PLEKHO2: variants seen among roughly 807,000 people sequenced by gnomAD.
PLEKHO2 encodes pleckstrin homology domain containing O2.
PLEKHO2 carries 20 observed loss-of-function variants against 32.7 expected under a neutral mutation model. The ratio of observed to expected loss-of-function variants is 0.61; its 90% CI spans 0.43 to 0.89. The LOEUF is 0.89. PLEKHO2 is among the 40% of genes least tolerant of loss of function. The pLI, the probability that PLEKHO2 is intolerant of heterozygous loss-of-function variation, is 0.00. For synonymous variants in PLEKHO2, 247 were observed against 246.3 expected, an observed-to-expected ratio of 1.00 and a Z score of -0.03; for missense variants, 568 against 621.2, an observed-to-expected ratio of 0.91 and a Z score of 0.91.
intron 3 of PLEKHO2, among the ~76,000 whole-genome samples, chr15:64,856,159 G>C (rs2084605066): frequency 6.6e-6 from 1 of 152,114 alleles, no homozygotes; most frequent in Non-Finnish European, 1.5e-5. Context: ...AGGGCTCTTT[G>C]AGGACAAAAA....
Position 64,865,853 on chromosome 15 carries a change from G to A in PLEKHO2, c.1438G>A (p.Glu480Lys), listed in dbSNP as rs753465500. 13 of 1,610,020 alleles carry A rather than the reference G, an allele frequency of 8.1e-6. No homozygotes were observed. The highest frequency in any genetic ancestry group is 3.3e-5 in the Admixed American group (2 of 60,008). ...EAPGLREKRK[E>K]LVTLYRRSAP is the part of the protein sequence containing the mutation. Reference sequence around the variant, plus strand: ...ACCTGGGCTAAGGGAGAAGCGGAAGGAGCTGGTGACCCTCTACAGGAGAAG... The same window carrying A: ...ACCTGGGCTAAGGGAGAAGCGGAAGAAGCTGGTGACCCTCTACAGGAGAAG... Residue 480 changes from glutamate to lysine, a missense_variant, in exon 6 of 6, where the codon GAG becomes AAG. Glu to Lys is a moderately conservative substitution (Grantham distance 56). Transcript: ENST00000323544.
intron 2 of PLEKHO2, 27 bp downstream of exon 2, chr15:64,848,769 G>A (rs1034353582): frequency 6.2e-7 from 1 of 1,613,110 alleles, no homozygotes; most frequent in East Asian, 2.2e-5. Flanking sequence ...CCCTGAGATT[G>A]GGGGTTCTGG....
intron 1 of PLEKHO2, among the ~76,000 whole-genome samples, chr15:64,842,593 T>C (rs2084493652): frequency 6.6e-6 from 1 of 151,834 alleles, no homozygotes; most frequent in Non-Finnish European, 1.5e-5. Context: ...TTTTCTCCCT[T>C]GTATAAGTCT....
intron 2 of PLEKHO2, among the ~76,000 whole-genome samples, chr15:64,851,939 G>A (rs2140340527): frequency 6.6e-6 from 1 of 152,242 alleles, no homozygotes; most frequent in East Asian, 1.9e-4. Flanking sequence ...CGGGGAGGAG[G>A]AGACTTCCTG....
At position 64,865,678 on chromosome 15, in the gene PLEKHO2, A is replaced by T. The variant is rs1321276847; in HGVS notation, c.1263A>T (p.Glu421Asp). 3 of 1,614,210 alleles carry T rather than the reference A, an allele frequency of 1.9e-6. No homozygotes were observed. Among genetic ancestry groups the T allele is most frequent in the Non-Finnish European group, 2.5e-6 (3 of 1,180,024 alleles). The change falls in exon 6 of 6, where the codon GAA becomes GAT. Residue 421 changes from glutamate (E) to aspartate (D), a missense_variant. Glu to Asp is a conservative substitution (Grantham distance 45, BLOSUM62 2). Coordinates refer to ENST00000323544, the MANE Select transcript of PLEKHO2 (RefSeq NM_025201.5). ...AGCTGGAGGTGAAGGTGGCCTCGGA[A>T]CAGACGGAGAAACTGTTGAACAAGG... is the stretch of plus-strand genomic sequence containing the variant. Reference protein sequence around the residue: ...RAQLEVKVASEQTEKLLNKVL... With the variant: ...RAQLEVKVASDQTEKLLNKVL...
In PLEKHO2 at chr15:64,866,497, A is replaced by T; in HGVS notation, c.*609A>T. ...TGAGAGGCCTCTTTGTGAGGAGGAC[A>T]TTAGCTGTGTGGCCTCTCTCTCTTT... is the stretch of plus-strand genomic sequence containing the variant. On this transcript the variant is annotated 3_prime_UTR_variant, in exon 6 of 6. Transcript: ENST00000323544. 1 of 415,422 alleles carries T rather than the reference A, an allele frequency of 2.4e-6. No homozygotes were observed. Among genetic ancestry groups the T allele is most frequent in the Non-Finnish European group, 4.9e-6 (1 of 205,518 alleles). 25.7% of individuals were successfully genotyped at this position (415,422 alleles called of 1,614,324 possible).
At position 64,861,476 on chromosome 15, in the gene PLEKHO2, G is replaced by A. The variant is rs1196419915; in HGVS notation, c.385-1G>A. On this transcript the variant is annotated splice_acceptor_variant, in intron 4 of 5. Coordinates refer to ENST00000323544, the MANE Select transcript of PLEKHO2 (RefSeq NM_025201.5). LOFTEE classifies it high-confidence loss of function. ...GCTGATCTGGTTCCCCCTCCCTCCAGGTAAAGGTGGACAAGAGCTGCGCCC... is the reference window on the plus strand; with the variant it reads ...GCTGATCTGGTTCCCCCTCCCTCCAAGTAAAGGTGGACAAGAGCTGCGCCC... 6.3e-7 allele frequency: 1 copy of A among 1,594,376 alleles called. No individual in the cohort carries two copies.
rs2084690529 is a variant in PLEKHO2 at position 64,866,637 on chromosome 15, G to C, written c.*749G>C. 3.1e-6 allele frequency: 1 copy of C among 320,292 alleles called. No homozygotes were observed. Among genetic ancestry groups the C allele is most frequent in the African/African-American group, 2.2e-5 (1 of 46,004 alleles). The allele number at this position is 320,292 out of a possible 1,614,324, so 19.8% of individuals were successfully genotyped here. A position where few individuals can be genotyped will look rare whatever the true frequency, so the allele number is the denominator to read the frequency against. Reference sequence around the variant, plus strand: ...TTCAAGAGTGGAAGAGGAATTTAAGGGGTCCCCTAGTCTAGTCTCTGCCCC... The same window carrying C: ...TTCAAGAGTGGAAGAGGAATTTAAGCGGTCCCCTAGTCTAGTCTCTGCCCC... On this transcript the variant is annotated 3_prime_UTR_variant, in exon 6 of 6. Transcript: ENST00000323544.
chr15:64,852,284 C>T (rs1023064929), intron 2 of PLEKHO2, among the ~76,000 whole-genome samples: 2 of 152,106 alleles, frequency 1.3e-5, no homozygotes, highest in South Asian at 2.1e-4. Flanking sequence ...TTTTCTGGTC[C>T]GTCTGTTTAG....
chr15:64,863,762 A>G (rs1229596844), intron 5 of PLEKHO2, among the ~76,000 whole-genome samples: 1 of 115,384 alleles, frequency 8.7e-6, no homozygotes, highest in Non-Finnish European at 1.8e-5. Flanking sequence ...TTTTTTTTTG[A>G]GACGGAGCTT....
intron 2 of PLEKHO2, among the ~76,000 whole-genome samples, chr15:64,850,190 C>T (rs984877254): frequency 2.6e-5 from 4 of 151,970 alleles, no homozygotes; most frequent in Admixed American, 1.3e-4. Context: ...AAGTAGCACT[C>T]GTACTTGTTT....
intron 1 of PLEKHO2, among the ~76,000 whole-genome samples, chr15:64,845,633 A>G (rs2084516297): frequency 6.6e-6 from 1 of 152,120 alleles, no homozygotes; most frequent in Non-Finnish European, 1.5e-5. Context: ...TCTCCATACC[A>G]AAGTGCTGTT....
chr15:64,854,566 C>A (rs1287051757), intron 2 of PLEKHO2, among the ~76,000 whole-genome samples: 1 of 152,248 alleles, frequency 6.6e-6, no homozygotes, highest in Non-Finnish European at 1.5e-5. Flanking sequence ...CTTCTTCTGG[C>A]TTTCTCTTCC....
chr15:64,865,996 G>A lies in PLEKHO2; in HGVS notation c.*108G>A. 7.4e-7 allele frequency: 1 copy of A among 1,348,908 alleles called. No homozygotes were observed. The highest frequency in any genetic ancestry group is 1.4e-5 in the South Asian group (1 of 69,036). 83.6% of individuals were successfully genotyped at this position (1,348,908 alleles called of 1,614,324 possible). A position where few individuals can be genotyped will look rare whatever the true frequency, so the allele number is the denominator to read the frequency against. Reference sequence around the variant, plus strand: ...GCTTCTACAGCAATGGCTGCAGGAGGGCCATTGGGCATGTCAGGGTTTGGC... The same window carrying A: ...GCTTCTACAGCAATGGCTGCAGGAGAGCCATTGGGCATGTCAGGGTTTGGC... On this transcript the variant is annotated 3_prime_UTR_variant, in exon 6 of 6. Transcript: ENST00000323544.
chr15:64,850,779 A>G (rs993814945), intron 2 of PLEKHO2, among the ~76,000 whole-genome samples: 2 of 152,228 alleles, frequency 1.3e-5, no homozygotes, highest in African/African-American at 4.8e-5. Context: ...CTAAGAGTCA[A>G]TTAAGATGTA....
chr15:64,856,517 T>G (rs2084607142), intron 3 of PLEKHO2, among the ~76,000 whole-genome samples: 1 of 152,176 alleles, frequency 6.6e-6, no homozygotes. Context: ...TAGGTGGGCT[T>G]GGCTCAGCTC....
chr15:64,865,232 A>G lies in PLEKHO2; in HGVS notation c.817A>G (p.Ser273Gly). Residue 273 changes from serine to glycine, a missense_variant, in exon 6 of 6, where the codon AGC (serine) becomes GGC (glycine). Transcript: ENST00000323544. ...NSVLPDKLKV[S>G]WENPSPQEAP... is the part of the protein sequence containing the mutation. Reference sequence around the variant, plus strand: ...CGTCCTGCCTGACAAACTGAAGGTGAGCTGGGAGAACCCCAGCCCCCAGGA... The same window carrying G: ...CGTCCTGCCTGACAAACTGAAGGTGGGCTGGGAGAACCCCAGCCCCCAGGA... 1 of 1,614,182 alleles carries G rather than the reference A, an allele frequency of 6.2e-7. No homozygotes were observed. The highest frequency in any genetic ancestry group is 1.3e-5 in the African/African-American group (1 of 75,058).
intron 5 of PLEKHO2, among the ~76,000 whole-genome samples, chr15:64,864,077 G>A (rs1230861552): frequency 2.0e-5 from 3 of 152,160 alleles, no homozygotes; most frequent in Non-Finnish European, 4.4e-5. Flanking sequence ...GGTGGCAGGG[G>A]AGAGTAAGGA....
chr15:64,857,726 G>A (rs1016411572), intron 3 of PLEKHO2, among the ~76,000 whole-genome samples: 1 of 152,162 alleles, frequency 6.6e-6, no homozygotes, highest in Non-Finnish European at 1.5e-5. Context: ...GGCCATTTCT[G>A]CTTCTCACAA....
Sources: gnomAD v4.1 joint callset for allele counts (sites outside exome capture counted in the v4.1 genomes callset) on GRCh38, gnomAD v4.1.1 for gene constraint, MANE v1.5 for transcripts, NCBI Gene and HGNC (gene_info 2026-07-23, HGNC 2026-07-21) for gene names.